Variants in TMEM74 observed in about 807,000 individuals in gnomAD.
TMEM74 encodes transmembrane protein 74.
A neutral mutation model predicts 18.1 loss-of-function variants in TMEM74; 13 were observed. The ratio of observed to expected loss-of-function variants is 0.72; its 90% CI spans 0.47 to 1.14. The LOEUF (loss-of-function observed/expected upper bound fraction) is 1.14, where lower values mean the gene tolerates loss of function less well. Among genes scored for constraint, TMEM74 ranks in the 50% most tolerant of loss-of-function variants. TMEM74 has a pLI of 0.00. For missense variants in TMEM74, 372 were observed against 375.9 expected (o/e 0.99, Z 0.09); for synonymous variants, 159 against 146.6 (o/e 1.08, Z -0.61).
At chr8:108,719,242 G>T (rs905763703) in intron 1 of TMEM74, among the ~76,000 whole-genome samples, 6 of 152,092 alleles carry the variant, frequency 3.9e-5, no homozygotes, top group African/African-American at 1.4e-4. Context: ...AATGGGACCA[G>T]ATCTTTATGT....
intron 2 of TMEM74, chr8:108,652,681 G>T: frequency 1.7e-6 from 1 of 581,826 alleles, no homozygotes; most frequent in South Asian, 1.8e-5. Context: ...GAAAATCCAG[G>T]AATCTGCCCC....
chr8:108,738,347 T>G (rs1299281140), intron 1 of TMEM74, among the ~76,000 whole-genome samples: 1 of 152,174 alleles, frequency 6.6e-6, no homozygotes, highest in East Asian at 1.9e-4. Flanking sequence ...TTCAGAACAT[T>G]CAGAGCACTA....
At chr8:108,612,168 G>C (rs1421879921) in intron 2 of TMEM74, among the ~76,000 whole-genome samples, 1 of 151,736 alleles carries the variant, frequency 6.6e-6, no homozygotes, top group Non-Finnish European at 1.5e-5. Flanking sequence ...ATTTAGGTGG[G>C]GACACAGCCA....
intron 1 of TMEM74, among the ~76,000 whole-genome samples, chr8:108,702,832 G>A (rs1347109351): frequency 2.2e-5 from 3 of 138,964 alleles, no homozygotes; most frequent in Non-Finnish European, 4.5e-5. Context: ...ATAACTTATT[G>A]GTAAGCACGT....
In TMEM74 at chr8:108,756,648, A is replaced by G. The variant is rs201457903; in HGVS notation, n.119+30828T>C. On this transcript the variant is annotated intron_variant and non_coding_transcript_variant, in intron 1 of 3. Coordinates refer to the TMEM74 transcript ENST00000518838. Reference sequence around the variant, plus strand: ...GAAGGAAGGAAGGAAGGAAGAAAGAAAGAGAAAGAAAGAAAGAAAGAAAGA... The same window carrying G: ...GAAGGAAGGAAGGAAGGAAGAAAGAGAGAGAAAGAAAGAAAGAAAGAAAGA... Among the ~76,000 whole-genome samples the G allele has an allele frequency of 7.8e-3, 343 of 44,070 alleles. 2 individuals carry two copies. Among genetic ancestry groups the G allele is most frequent in the Admixed American group, 9.8e-3 (36 of 3,672 alleles). The allele number at this position is 44,070 out of a possible 152,430, so 28.9% of individuals were successfully genotyped here.
chr8:108,723,733 C>A (rs568138788), intron 1 of TMEM74, among the ~76,000 whole-genome samples: 1 of 152,004 alleles, frequency 6.6e-6, no homozygotes, highest in Non-Finnish European at 1.5e-5. Flanking sequence ...CATTCAACAC[C>A]AAAACCAAGA....
Position 108,783,273 on chromosome 8 carries a change from C to A in TMEM74, c.*908G>T, listed in dbSNP as rs1814330808. ...GCAATAACAAGATGTTACCTGGAAGCACACCAGAGCCAATCATGACTCAGG... is the reference window on the plus strand; with the variant it reads ...GCAATAACAAGATGTTACCTGGAAGAACACCAGAGCCAATCATGACTCAGG... On this transcript the variant is annotated 3_prime_UTR_variant, in exon 2 of 2. Coordinates refer to ENST00000297459, the MANE Select transcript of TMEM74 (RefSeq NM_153015.3). Among the ~76,000 whole-genome samples the A allele has an allele frequency of 6.6e-6, 1 of 152,128 alleles. No individual in the cohort carries two copies. Among genetic ancestry groups the A allele is most frequent in the Admixed American group, 6.5e-5 (1 of 15,280 alleles).
chr8:108,707,586 A>G (rs1004209347), intron 1 of TMEM74, among the ~76,000 whole-genome samples: 3 of 152,202 alleles, frequency 2.0e-5, no homozygotes, highest in African/African-American at 7.2e-5. Flanking sequence ...AAAATACACG[A>G]TGGAAAAAGG....
At chr8:108,707,343 A>T (rs1200371338) in intron 1 of TMEM74, among the ~76,000 whole-genome samples, 1 of 151,482 alleles carries the variant, frequency 6.6e-6, no homozygotes, top group Non-Finnish European at 1.5e-5. Flanking sequence ...AAAAAAAAAA[A>T]TCCCTTATCC....
At chr8:108,769,509 G>A (rs889291058) in intron 1 of TMEM74, among the ~76,000 whole-genome samples, 9 of 151,886 alleles carry the variant, frequency 5.9e-5, no homozygotes, top group African/African-American at 9.7e-5. Context: ...GCCTGTGCCC[G>A]ACCCTCAAAT....
rs574425569 is a variant in TMEM74 at position 108,697,100 on chromosome 8, G to A, written n.120-41663C>T. 2.6e-3 allele frequency among the ~76,000 whole-genome samples: 402 copies of A among 152,268 alleles called. 3 individuals are homozygous for A. Among genetic ancestry groups the A allele is most frequent in the Non-Finnish European group, 4.7e-3 (320 of 68,020 alleles). On this transcript the variant is annotated intron_variant and non_coding_transcript_variant, in intron 1 of 3. Transcript: ENST00000518838. ...CCACAGTAGAAAGGCTGTGGAACTG[G>A]ATTAGAATGGGAAAGGAGACCAGGC...
At chr8:108,701,197 TAAA>T (rs34352264) in intron 1 of TMEM74, among the ~76,000 whole-genome samples, 31,313 of 135,376 alleles carry the variant, frequency 0.23, 3,296 homozygotes, top group East Asian at 0.3. Context: ...ATTCATGACT[TAAA>T]AAAAAAAAAA....
rs2129663380 is a variant in TMEM74, at chr8:108,781,627, A to C, written c.*2554T>G. Among the ~76,000 whole-genome samples, 1 of 152,338 alleles carries C rather than the reference A, an allele frequency of 6.6e-6. No homozygotes were observed. The highest frequency in any genetic ancestry group is 1.5e-5 in the Non-Finnish European group (1 of 68,036). ...TGCCCTCAGATAAGTAGAACCTTAA[A>C]AGAGAGGTGCTCTATATGTTAGCAG... is the stretch of plus-strand genomic sequence containing the variant. On this transcript the variant is annotated 3_prime_UTR_variant, in exon 2 of 2. Transcript: ENST00000297459.
At chr8:108,778,127 A>G (rs149070843), downstream of TMEM74, among the ~76,000 whole-genome samples, 1 of 152,262 alleles carries the variant, frequency 6.6e-6, no homozygotes, top group East Asian at 1.9e-4. Context: ...ATGTTCATTG[A>G]TACATACTCT....
Position 108,781,047 on chromosome 8 carries a change from TTTC to T in TMEM74, c.*3131_*3133del, listed in dbSNP as rs1255746872. Among the ~76,000 whole-genome samples, 2 of 111,638 alleles carry T rather than the reference TTTC, an allele frequency of 1.8e-5. No homozygotes were observed. The highest frequency in any genetic ancestry group is 4.1e-5 in the Non-Finnish European group (2 of 48,742). 73.2% of individuals were successfully genotyped at this position (111,638 alleles called of 152,430 possible). A position where few individuals can be genotyped will look rare whatever the true frequency, so the allele number is the denominator to read the frequency against. ...CCCAGTAATAAAGGAGAAAGACAGC[TTTC>T]TTTCTGTAACTCACCCCATTGGGCC... On this transcript the variant is annotated 3_prime_UTR_variant, in exon 2 of 2. Coordinates refer to ENST00000297459, the MANE Select transcript of TMEM74 (RefSeq NM_153015.3).
intron 2 of TMEM74, among the ~76,000 whole-genome samples, chr8:108,650,517 C>A (rs1436721047): frequency 1.3e-5 from 2 of 152,158 alleles, no homozygotes; most frequent in Non-Finnish European, 2.9e-5. Context: ...GACCTCACAG[C>A]CCACTATTCT....
intron 1 of TMEM74, among the ~76,000 whole-genome samples, chr8:108,662,704 G>A (rs1812912503): frequency 6.6e-6 from 1 of 152,098 alleles, no homozygotes; most frequent in African/African-American, 2.4e-5. Context: ...CCAGCTTATT[G>A]TAGTTAGAAG....
At chr8:108,636,042 T>C (rs1376639628) in intron 2 of TMEM74, among the ~76,000 whole-genome samples, 1 of 152,044 alleles carries the variant, frequency 6.6e-6, no homozygotes, top group Non-Finnish European at 1.5e-5. Context: ...AACCAGAAAG[T>C]CCGGTAGACA....
rs754802901 is a variant in TMEM74 at position 108,784,558 on chromosome 8, C to T, written c.541G>A (p.Ala181Thr). The T allele has an allele frequency of 1.4e-5, 23 of 1,613,994 alleles. No homozygotes were observed. The South Asian group carries it at 1.8e-4, about 12-fold the overall frequency. Residue 181 changes from alanine to threonine, a missense_variant, in exon 2 of 2, where the codon GCC becomes ACC. Physicochemically the swap from Ala to Thr is moderately conservative, Grantham distance 58. Transcript: ENST00000297459. ...GKSIDYGFIS[A>T]ILFLVTGILL... ...ATCCCAGTGACCAAGAACAAGATGG[C>T]GCTGATGAAACCATAGTCTATAGAC... is the stretch of plus-strand genomic sequence containing the variant.
Sources: allele counts gnomAD v4.1 joint callset (sites outside exome capture counted in the v4.1 genomes callset), GRCh38; gene constraint gnomAD v4.1.1; transcripts MANE v1.5; gene names NCBI Gene and HGNC (gene_info 2026-07-23, HGNC 2026-07-21).